The following OPCML variants were observed in gnomAD, a reference collection of about 807,000 sequenced individuals.
The protein encoded by OPCML is opioid-binding protein/cell adhesion molecule.
Under a neutral mutation model 37.8 loss-of-function variants are expected in OPCML, and 13 were observed. The observed-to-expected ratio is 0.34, with a 90% CI of 0.22 to 0.55. The LOEUF (loss-of-function observed/expected upper bound fraction) is 0.55, where lower values mean the gene tolerates loss of function less well. OPCML is among the 20% of genes least tolerant of loss of function. OPCML has a pLI of 0.91. For missense variants in OPCML, 341 were observed against 435.6 expected, an observed-to-expected ratio of 0.78 and a Z score of 1.93; for synonymous variants, 176 against 168.8, an observed-to-expected ratio of 1.04 and a Z score of -0.33.
In OPCML at chr11:133,528,722, G is replaced by T. The variant is rs947809550; in HGVS notation, c.61+3542C>A. Among the ~76,000 whole-genome samples the T allele has an allele frequency of 2.6e-5, 4 of 152,148 alleles. No individual in the cohort carries two copies. The East Asian group carries it at 7.7e-4, about 29-fold the overall frequency. On this transcript the variant is annotated intron_variant, in intron 1 of 7. Transcript: ENST00000524381. Reference sequence around the variant, plus strand: ...CCTAAACGGGCAAAGCCTGTTTAAGGTGCAAGAGATGAAGTTGTACCCAGA... The same window carrying T: ...CCTAAACGGGCAAAGCCTGTTTAAGTTGCAAGAGATGAAGTTGTACCCAGA...
At chr11:132,565,024 A>G (rs1273015355) in intron 3 of OPCML, among the ~76,000 whole-genome samples, 1 of 152,182 alleles carries the variant, frequency 6.6e-6, no homozygotes, top group East Asian at 1.9e-4. Context: ...CAACAAGAAG[A>G]GGTAAGTGAA....
chr11:133,036,860 G>T (rs982284057), intron 1 of OPCML, among the ~76,000 whole-genome samples: 1 of 152,174 alleles, frequency 6.6e-6, no homozygotes. Context: ...CAGATCTTCA[G>T]TTGTCCCACA....
At chr11:133,411,444 G>C (rs1945650163) in intron 1 of OPCML, among the ~76,000 whole-genome samples, 1 of 152,174 alleles carries the variant, frequency 6.6e-6, no homozygotes, top group South Asian at 2.1e-4. Context: ...CAGGGAGGAA[G>C]GTCAGGCCAG....
intron 2 of OPCML, among the ~76,000 whole-genome samples, chr11:132,787,016 C>A (rs1224717129): frequency 6.6e-6 from 1 of 152,144 alleles, no homozygotes; most frequent in Non-Finnish European, 1.5e-5. Flanking sequence ...CTGTCAAACA[C>A]AGATGGAGCC....
Position 132,683,957 on chromosome 11 carries a change from C to T in OPCML, c.147-26638G>A, listed in dbSNP as rs531490536. ...CAGGTACGTCATAATTTTGCCTCCC[C>T]GAGATGTCCCTTTCTGAATATTTGT... On this transcript the variant is annotated intron_variant, in intron 2 of 7. Transcript: ENST00000524381. Among the ~76,000 whole-genome samples the T allele has an allele frequency of 3.4e-4, 52 of 152,196 alleles. 1 individual carries two copies. Among genetic ancestry groups the T allele is most frequent in the Admixed American group, 1.6e-3 (24 of 15,272 alleles).
At chr11:133,000,086 T>G (rs1164213961) in intron 1 of OPCML, among the ~76,000 whole-genome samples, 1 of 152,208 alleles carries the variant, frequency 6.6e-6, no homozygotes, top group African/African-American at 2.4e-5. Flanking sequence ...AGACACAGTC[T>G]CACTCTGTTG....
intron 2 of OPCML, among the ~76,000 whole-genome samples, chr11:132,674,549 C>T (rs1231104875): frequency 1.3e-5 from 2 of 152,154 alleles, no homozygotes; most frequent in South Asian, 2.1e-4. Context: ...CTCCAAGAAA[C>T]CCAAGGTGGG....
At position 133,206,353 on chromosome 11, in the gene OPCML, T is replaced by C. The variant is rs1331123682; in HGVS notation, c.62-263343A>G. On this transcript the variant is annotated intron_variant, in intron 1 of 7. Transcript: ENST00000524381. The surrounding 1 kb of genome is among the most constrained non-coding windows in gnomAD (Gnocchi z 4.7). ...TTGATGAGTTCAGTTCTGTATCTAC[T>C]ACCACGTAGCAATGAAACATTTAGG... Among the ~76,000 whole-genome samples, 1 of 152,186 alleles carries C rather than the reference T, an allele frequency of 6.6e-6. No homozygotes were observed. The highest frequency in any genetic ancestry group is 2.1e-4 in the South Asian group (1 of 4,820).
At position 132,635,654 on chromosome 11, in the gene OPCML, A is replaced by C. The variant is rs1183465991; in HGVS notation, c.379+21433T>G. On this transcript the variant is annotated intron_variant, in intron 3 of 7. Coordinates refer to ENST00000524381, the MANE Select transcript of OPCML (RefSeq NM_001012393.5). ...CATACTTAATCTATTATCTCGATAA[A>C]ATCAACTTCAAGGAAGATCTCAGAT... is the stretch of plus-strand genomic sequence containing the variant. Among the ~76,000 whole-genome samples, 4 of 152,334 alleles carry C rather than the reference A, an allele frequency of 2.6e-5. No homozygotes were observed. In the East Asian group the frequency reaches 7.7e-4, roughly 29 times the overall value.
At chr11:132,781,954 A>ATATT (rs1276466419) in intron 2 of OPCML, among the ~76,000 whole-genome samples, 9 of 107,776 alleles carry the variant, frequency 8.4e-5, no homozygotes, top group African/African-American at 3.1e-4. Flanking sequence ...ATATATATAT[A>ATATT]TTTTTTTTTT....
At chr11:133,347,181 G>T (rs1298971940) in intron 1 of OPCML, among the ~76,000 whole-genome samples, 1 of 152,122 alleles carries the variant, frequency 6.6e-6, no homozygotes, top group Non-Finnish European at 1.5e-5. Context: ...TTGTGCCTTT[G>T]CTTCAGTTTT....
intron 1 of OPCML, among the ~76,000 whole-genome samples, chr11:133,251,167 G>A (rs906689691): frequency 1.3e-5 from 2 of 152,114 alleles, no homozygotes; most frequent in African/African-American, 4.8e-5. Flanking sequence ...ATCAAAAGTA[G>A]GAACCTTCAA....
intron 1 of OPCML, among the ~76,000 whole-genome samples, chr11:133,380,714 A>G (rs1944911833): frequency 6.6e-6 from 1 of 152,206 alleles, no homozygotes; most frequent in South Asian, 2.1e-4. Context: ...TATTACATCC[A>G]GTTCCCAGCC....
At chr11:132,475,081 G>A (rs2096150863) in intron 4 of OPCML, among the ~76,000 whole-genome samples, 1 of 152,110 alleles carries the variant, frequency 6.6e-6, no homozygotes, top group African/African-American at 2.4e-5. Flanking sequence ...CCAGCCCTGA[G>A]GTCCCTGCCT....
At chr11:132,482,002 T>C (rs1290597341) in intron 4 of OPCML, among the ~76,000 whole-genome samples, 2 of 148,008 alleles carry the variant, frequency 1.4e-5, no homozygotes, top group Non-Finnish European at 3.0e-5. Context: ...ACATCACAAT[T>C]AAAAGAACTA....
chr11:132,656,989 A>G (rs1242472217), intron 3 of OPCML, 98 bp downstream of exon 3: 9 of 1,522,982 alleles, frequency 5.9e-6, no homozygotes, highest in Non-Finnish European at 8.0e-6. Context: ...GAGGAAGATG[A>G]CTTTTGTGTC....
At chr11:133,116,143 A>AT (rs1307507666) in intron 1 of OPCML, among the ~76,000 whole-genome samples, 1 of 151,918 alleles carries the variant, frequency 6.6e-6, no homozygotes, top group African/African-American at 2.4e-5. Context: ...TAATTTTTGT[A>AT]TTTTTAGTAG....
At chr11:132,547,138 C>T (rs538923618) in intron 3 of OPCML, among the ~76,000 whole-genome samples, 24 of 152,192 alleles carry the variant, frequency 1.6e-4, no homozygotes, top group Non-Finnish European at 2.9e-4. Context: ...ATGCTTGGCA[C>T]ATACTCAGTG....
intron 4 of OPCML, among the ~76,000 whole-genome samples, chr11:132,509,471 C>T (rs1591481802): frequency 6.6e-6 from 1 of 152,258 alleles, no homozygotes; most frequent in South Asian, 2.1e-4. Context: ...ACCTTGATAG[C>T]AGCCCCTCCC....
Sources: gnomAD v4.1 joint callset for allele counts (sites outside exome capture counted in the v4.1 genomes callset) on GRCh38, gnomAD v4.1.1 for gene constraint, Gnocchi (gnomAD v3.1) non-coding constraint, MANE v1.5 for transcripts, NCBI Gene and HGNC (gene_info 2026-07-23, HGNC 2026-07-21) for gene names.